Variants in MIPOL1 observed in about 807,000 individuals in gnomAD.
MIPOL1 encodes mirror-image polydactyly gene 1 protein.
In MIPOL1, 57 loss-of-function variants were observed where a neutral mutation model predicts 60.9. That is an observed-to-expected ratio of 0.94 (90% confidence interval 0.76 to 1.17). The LOEUF (loss-of-function observed/expected upper bound fraction) is 1.17. MIPOL1 is among the 50% of genes most tolerant of loss of function. The pLI, the probability that MIPOL1 is intolerant of heterozygous loss-of-function variation, is 0.00. For synonymous variants in MIPOL1, 179 were observed against 168.8 expected (o/e 1.06, Z -0.47); for missense variants, 551 against 511.6 (o/e 1.08, Z -0.74).
chr14:37,287,667 T>C (rs1247849762), intron 7 of MIPOL1, among the ~76,000 whole-genome samples: 1 of 152,222 alleles, frequency 6.6e-6, no homozygotes, highest in East Asian at 1.9e-4. Flanking sequence ...TTGAACTTCA[T>C]GCAATATTTT....
At chr14:37,346,526 A>G (rs1175478084) in intron 9 of MIPOL1, among the ~76,000 whole-genome samples, 2 of 152,094 alleles carry the variant, frequency 1.3e-5, no homozygotes, top group Non-Finnish European at 2.9e-5. Context: ...ACAATTTTTC[A>G]TGTAAAAATT....
At chr14:37,375,550 A>G (rs561460095) in intron 10 of MIPOL1, among the ~76,000 whole-genome samples, 18 of 152,240 alleles carry the variant, frequency 1.2e-4, no homozygotes, top group Non-Finnish European at 1.8e-4. Flanking sequence ...GAACTGTCCA[A>G]TGTAATTCCA....
At chr14:37,339,253 G>GCTA (rs1324031388) in intron 9 of MIPOL1, among the ~76,000 whole-genome samples, 1 of 152,194 alleles carries the variant, frequency 6.6e-6, no homozygotes, top group Non-Finnish European at 1.5e-5. Context: ...ATTTAAATAT[G>GCTA]CTACTACATC....
rs139247255 is a variant in MIPOL1 at position 37,270,305 on chromosome 14, T to A, written c.388-115T>A. 456 of 485,600 alleles carry A rather than the reference T, an allele frequency of 9.4e-4. 3 individuals carry two copies. In the Middle Eastern group the frequency reaches 0.012, roughly 13 times the overall value. 30.1% of individuals were successfully genotyped at this position (485,600 alleles called of 1,614,324 possible). Reference sequence around the variant, plus strand: ...AAATTTTTTTCTGGAGTTATCTATCTAGGAAGTTAAATATAATATAAGAAT... The same window carrying A: ...AAATTTTTTTCTGGAGTTATCTATCAAGGAAGTTAAATATAATATAAGAAT... On this transcript the variant is annotated intron_variant, in intron 5 of 12. Transcript: ENST00000684589.
intron 12 of MIPOL1, among the ~76,000 whole-genome samples, chr14:37,515,886 G>C (rs1021239604): frequency 1.3e-5 from 2 of 152,182 alleles, no homozygotes; most frequent in Non-Finnish European, 2.9e-5. Context: ...TAACACAGCT[G>C]TGAGAAGAAT....
At chr14:37,255,062 G>A (rs1363298782) in intron 3 of MIPOL1, among the ~76,000 whole-genome samples, 1 of 151,780 alleles carries the variant, frequency 6.6e-6, no homozygotes, top group African/African-American at 2.4e-5. Context: ...CCATGCTTAA[G>A]GTTCTGAACA....
At chr14:37,541,562 A>G (rs1311267264) in intron 12 of MIPOL1, among the ~76,000 whole-genome samples, 1 of 152,146 alleles carries the variant, frequency 6.6e-6, no homozygotes, top group African/African-American at 2.4e-5. Flanking sequence ...CCACCTAAAA[A>G]TCCTTTTTCA....
chr14:37,375,413 G>A (rs1319979540), intron 10 of MIPOL1, among the ~76,000 whole-genome samples: 1 of 151,846 alleles, frequency 6.6e-6, no homozygotes, highest in Admixed American at 6.6e-5. Flanking sequence ...TCAAACTCCT[G>A]GGCTCAAGTG....
intron 10 of MIPOL1, among the ~76,000 whole-genome samples, chr14:37,390,789 CA>C (rs1014601216): frequency 6.6e-6 from 1 of 151,640 alleles, no homozygotes; most frequent in Non-Finnish European, 1.5e-5. Context: ...CAATGAAACT[CA>C]AAACAGTACA....
intron 7 of MIPOL1, among the ~76,000 whole-genome samples, chr14:37,291,914 A>ATTTTT (rs57230205): frequency 7.5e-5 from 7 of 92,980 alleles, no homozygotes; most frequent in African/African-American, 2.1e-4. Flanking sequence ...AATGGCAATA[A>ATTTTT]TTTTTTTTTT....
At position 37,550,553 on chromosome 14, in the gene MIPOL1, G is replaced by T. The variant is rs1179804057; in HGVS notation, c.*3582G>T. ...CGATACATTTACCTTTTAAAAAAAT[G>T]ATTTATAAGTGAACTGTTAGGCTCC... On this transcript the variant is annotated 3_prime_UTR_variant, in exon 13 of 13. Coordinates refer to ENST00000684589, the MANE Select transcript of MIPOL1 (RefSeq NM_001388067.1). The T allele has an allele frequency of 6.6e-6, 1 of 150,812 alleles. No individual in the cohort carries two copies. Among genetic ancestry groups the T allele is most frequent in the Non-Finnish European group, 1.5e-5 (1 of 67,700 alleles). The allele number at this position is 150,812 out of a possible 1,614,324, so 9.3% of individuals were successfully genotyped here.
intron 9 of MIPOL1, among the ~76,000 whole-genome samples, chr14:37,319,359 A>T (rs754495097): frequency 2.6e-5 from 4 of 152,162 alleles, no homozygotes; most frequent in Non-Finnish European, 5.9e-5. Flanking sequence ...TGTACCTAGA[A>T]ATGTTATTTG....
chr14:37,496,777 T>C (rs1006850630), intron 11 of MIPOL1, among the ~76,000 whole-genome samples: 2 of 152,152 alleles, frequency 1.3e-5, no homozygotes, highest in African/African-American at 4.8e-5. Flanking sequence ...CCAATGACTT[T>C]CTTCACAGAA....
chr14:37,296,522 T>G (rs1159610978), intron 7 of MIPOL1, among the ~76,000 whole-genome samples: 3 of 152,110 alleles, frequency 2.0e-5, no homozygotes, highest in African/African-American at 7.2e-5. Context: ...AGAAGCTGGT[T>G]TTTTGAAAAG....
At chr14:37,392,598 T>C (rs1200893600) in intron 10 of MIPOL1, among the ~76,000 whole-genome samples, 1 of 152,218 alleles carries the variant, frequency 6.6e-6, no homozygotes, top group East Asian at 1.9e-4. Flanking sequence ...ATTGCCTTGT[T>C]CTCTATCTTG....
At chr14:37,464,025 C>G (rs1212552863) in intron 11 of MIPOL1, among the ~76,000 whole-genome samples, 1 of 152,138 alleles carries the variant, frequency 6.6e-6, no homozygotes, top group Non-Finnish European at 1.5e-5. Context: ...AATCACTAAA[C>G]AGAAGAAGAA....
chr14:37,326,150 A>T (rs757351655), intron 9 of MIPOL1, among the ~76,000 whole-genome samples: 1 of 152,176 alleles, frequency 6.6e-6, no homozygotes, highest in African/African-American at 2.4e-5. Context: ...CAGAGTACAT[A>T]TGTTACTTTG....
At chr14:37,489,124 A>G (rs938702280) in intron 11 of MIPOL1, among the ~76,000 whole-genome samples, 2 of 152,152 alleles carry the variant, frequency 1.3e-5, no homozygotes, top group Admixed American at 1.3e-4. Flanking sequence ...CTTTTCACAT[A>G]GTCCCATTTA....
intron 10 of MIPOL1, among the ~76,000 whole-genome samples, chr14:37,410,093 A>G (rs1212036958): frequency 6.6e-6 from 1 of 152,242 alleles, no homozygotes; most frequent in Non-Finnish European, 1.5e-5. Context: ...AAGGAATTCT[A>G]AACATCTAGC....
Sources: gnomAD v4.1 joint callset for allele counts (sites outside exome capture counted in the v4.1 genomes callset) on GRCh38, gnomAD v4.1.1 for gene constraint, MANE v1.5 for transcripts, NCBI Gene and HGNC (gene_info 2026-07-23, HGNC 2026-07-21) for gene names.